CHRM3: variants seen among roughly 807,000 people sequenced by gnomAD.
The protein encoded by CHRM3 is cholinergic receptor muscarinic 3.
In CHRM3, 11 loss-of-function variants were observed where a neutral mutation model predicts 41.8. The ratio of observed to expected loss-of-function variants is 0.26; its 90% CI spans 0.17 to 0.44. The LOEUF (loss-of-function observed/expected upper bound fraction) is 0.44. CHRM3 is among the 20% of genes least tolerant of loss of function. The probability of loss-of-function intolerance (pLI) is 1.00; values close to 1 mark genes in which losing one functional copy is unlikely to be tolerated. For synonymous variants in CHRM3, 297 were observed against 301.4 expected (o/e 0.99, Z 0.15); for missense variants, 571 against 745.4 (o/e 0.77, Z 2.72).
At chr1:239,514,628 TTAA>T in intron 2 of CHRM3, among the ~76,000 whole-genome samples, 1 of 152,110 alleles carries the variant, frequency 6.6e-6, no homozygotes, top group Admixed American at 6.5e-5. Context: ...TCTACCTGCA[TTAA>T]TGAGGGTTTC....
chr1:239,692,627 A>G (rs1311138790), intron 5 of CHRM3, among the ~76,000 whole-genome samples: 4 of 152,192 alleles, frequency 2.6e-5, no homozygotes, highest in Non-Finnish European at 5.9e-5. Context: ...ATAACCTAAC[A>G]AAAGGCAGGA....
chr1:239,695,585 A>G (rs894605580), intron 5 of CHRM3, among the ~76,000 whole-genome samples: 2 of 152,146 alleles, frequency 1.3e-5, no homozygotes, highest in Non-Finnish European at 2.9e-5. Context: ...GGAAACAATA[A>G]AAGCTCAAGT....
intron 6 of CHRM3, among the ~76,000 whole-genome samples, chr1:239,851,784 G>A (rs903600139): frequency 1.3e-4 from 20 of 152,046 alleles, no homozygotes; most frequent in African/African-American, 4.3e-4. Context: ...TTTCCATAAA[G>A]CTAGCATTAA....
intron 4 of CHRM3, among the ~76,000 whole-genome samples, chr1:239,639,582 A>G (rs1670874137): frequency 6.6e-6 from 1 of 151,664 alleles, no homozygotes; most frequent in Non-Finnish European, 1.5e-5. Flanking sequence ...ATTGGTGTAT[A>G]AGAATGCTTG....
chr1:239,485,395 T>C (rs1283838865), intron 1 of CHRM3, among the ~76,000 whole-genome samples: 1 of 152,124 alleles, frequency 6.6e-6, no homozygotes, highest in Non-Finnish European at 1.5e-5. Flanking sequence ...CTTTCTGGGC[T>C]CAAGCAATCC....
intron 5 of CHRM3, chr1:239,720,164 C>A (rs1056088996): frequency 6.6e-6 from 1 of 151,968 alleles, no homozygotes; most frequent in East Asian, 1.9e-4. Context: ...AGGATTTACA[C>A]GCTGCGTTTG....
At chr1:239,830,994 A>G (rs964109084) in intron 6 of CHRM3, among the ~76,000 whole-genome samples, 15 of 147,788 alleles carry the variant, frequency 1.0e-4, no homozygotes, top group Non-Finnish European at 2.3e-4. Context: ...TGTATTTGGG[A>G]TTTTTTTTTT....
chr1:239,870,017 T>C (rs1423765619), intron 6 of CHRM3, among the ~76,000 whole-genome samples: 2 of 152,312 alleles, frequency 1.3e-5, no homozygotes, highest in African/African-American at 2.4e-5. Flanking sequence ...TACTGTATTA[T>C]GTCCTTTATG....
chr1:239,758,523 G>A (rs1220303437), intron 5 of CHRM3, among the ~76,000 whole-genome samples: 2 of 152,146 alleles, frequency 1.3e-5, no homozygotes, highest in African/African-American at 4.8e-5. Flanking sequence ...GATATTAATA[G>A]CATAGGTGTA....
chr1:239,880,070 G>C (rs898189571), intron 6 of CHRM3, among the ~76,000 whole-genome samples: 13 of 152,196 alleles, frequency 8.5e-5, no homozygotes, highest in African/African-American at 2.9e-4. Context: ...CAGGAGAAGA[G>C]ATCCCAAACC....
intron 3 of CHRM3, among the ~76,000 whole-genome samples, chr1:239,562,296 T>A (rs1482009803): frequency 1.3e-5 from 2 of 152,172 alleles, no homozygotes; most frequent in Non-Finnish European, 2.9e-5. Context: ...TCAAGTCACG[T>A]GATCCCTCAT....
chr1:239,389,394 A>G (rs899328495), intron 1 of CHRM3, among the ~76,000 whole-genome samples: 7 of 152,206 alleles, frequency 4.6e-5, no homozygotes, highest in Non-Finnish European at 7.4e-5. Context: ...CTTCAAAAGT[A>G]TTATTTACTT....
At chr1:239,688,821 AAT>A (rs1659433071) in intron 5 of CHRM3, among the ~76,000 whole-genome samples, 1 of 140,396 alleles carries the variant, frequency 7.1e-6, no homozygotes, top group South Asian at 2.1e-4. Context: ...TATTCAATAT[AAT>A]ATATATTATA....
chr1:239,558,763 A>G (rs1249742091), intron 3 of CHRM3, among the ~76,000 whole-genome samples: 1 of 152,304 alleles, frequency 6.6e-6, no homozygotes. Flanking sequence ...ATACAGGTCA[A>G]AAGTTTTTGC....
chr1:239,903,598 G>T (rs1386878522), intron 6 of CHRM3, among the ~76,000 whole-genome samples: 1 of 152,170 alleles, frequency 6.6e-6, no homozygotes, highest in Admixed American at 6.6e-5. Context: ...CAAGGAGGTG[G>T]TGTTCACCTC....
intron 1 of CHRM3, among the ~76,000 whole-genome samples, chr1:239,473,367 G>A (rs1336071691): frequency 6.6e-6 from 1 of 150,692 alleles, no homozygotes; most frequent in African/African-American, 2.4e-5. Context: ...ATTTAGAATA[G>A]ATTGAAGCTT....
chr1:239,834,148 T>TCA (rs34990180), intron 6 of CHRM3, among the ~76,000 whole-genome samples: 20,443 of 135,096 alleles, frequency 0.15, 1,609 homozygotes, highest in South Asian at 0.23. Context: ...TAATTCCACA[T>TCA]CACACACACA....
In CHRM3 at chr1:239,461,616, A is replaced by G. The variant is rs1206038363; in HGVS notation, c.-520-31093A>G. On this transcript the variant is annotated intron_variant, in intron 1 of 6. Transcript: ENST00000676153. ...TGCCTCCATATACGCAAAGAAAAAAAAATTATCATTCTCTTGACAGGATGA... is the reference window on the plus strand; with the variant it reads ...TGCCTCCATATACGCAAAGAAAAAAGAATTATCATTCTCTTGACAGGATGA... Among the ~76,000 whole-genome samples the G allele has an allele frequency of 2.6e-5, 4 of 151,870 alleles. No individual in the cohort carries two copies. The East Asian group carries it at 7.7e-4, about 29-fold the overall frequency.
chr1:239,441,653 C>G (rs1460009289), intron 1 of CHRM3, among the ~76,000 whole-genome samples: 2 of 152,166 alleles, frequency 1.3e-5, no homozygotes, highest in African/African-American at 4.8e-5. Flanking sequence ...TAAATGTTAA[C>G]TCATTTCTGA....
Sources: allele counts gnomAD v4.1 joint callset (sites outside exome capture counted in the v4.1 genomes callset), GRCh38; gene constraint gnomAD v4.1.1; transcripts MANE v1.5; gene names NCBI Gene and HGNC (gene_info 2026-07-23, HGNC 2026-07-21).